Variants in MAML3 observed in about 807,000 individuals in gnomAD.
MAML3 encodes the protein mastermind-like protein 3.
In MAML3, 27 loss-of-function variants were observed where a neutral mutation model predicts 101.9. That is an observed-to-expected ratio of 0.27 (90% CI 0.20 to 0.37). The LOEUF (loss-of-function observed/expected upper bound fraction) is 0.37. MAML3 is among the 10% of genes least tolerant of loss of function. The probability of loss-of-function intolerance (pLI) is 1.00; values close to 1 mark genes in which losing one functional copy is unlikely to be tolerated. For missense variants in MAML3, 1,316 were observed against 1,444.9 expected (o/e 0.91, Z 1.45); for synonymous variants, 501 against 555.9 (o/e 0.90, Z 1.39).
At position 140,153,125 on chromosome 4, in the gene MAML3, G is replaced by C. The variant is rs1417018026; in HGVS notation, c.203C>G (p.Pro68Arg). ...CCGCTCCACCACGGTGCTGTGCTTG[G>C]GAACGGCCGCCGAACCGCCGCCGGG... ...GGPGGGSAAV[P>R]KHSTVVERLR... The change falls in exon 1 of 5, where the codon CCC (proline) becomes CGC (arginine). Residue 68 changes from proline to arginine, a missense_variant. Physicochemically the swap from Pro to Arg is moderately radical, Grantham distance 103. Coordinates refer to ENST00000509479, the MANE Select transcript of MAML3 (RefSeq NM_018717.5). 1 of 1,550,496 alleles carries C rather than the reference G, an allele frequency of 6.4e-7. No homozygotes were observed. The highest frequency in any genetic ancestry group is 1.2e-5 in the South Asian group (1 of 84,140).
Position 139,756,823 on chromosome 4 carries a change from C to T in MAML3, c.2080-26156G>A, listed in dbSNP as rs553088603. Among the ~76,000 whole-genome samples the T allele has an allele frequency of 2.6e-5, 4 of 152,302 alleles. No individual in the cohort carries two copies. The South Asian group carries it at 8.3e-4, about 32-fold the overall frequency. On this transcript the variant is annotated intron_variant, in intron 2 of 4. Coordinates refer to ENST00000509479, the MANE Select transcript of MAML3 (RefSeq NM_018717.5). The stretch of plus-strand genomic sequence containing the variant: ...GTAAGAATAATTATCTGGGGAAACA[C>T]CCAGGTTTTGCAAAGCCAAAACCCC...
intron 1 of MAML3, among the ~76,000 whole-genome samples, chr4:140,050,919 A>G (rs1182141891): frequency 6.6e-6 from 1 of 152,238 alleles, no homozygotes; most frequent in Admixed American, 6.5e-5. Context: ...TTTGCTATAC[A>G]GGGAAAAATA....
At chr4:140,143,398 G>T (rs977346023) in intron 1 of MAML3, among the ~76,000 whole-genome samples, 2 of 152,204 alleles carry the variant, frequency 1.3e-5, no homozygotes, top group Non-Finnish European at 2.9e-5. Flanking sequence ...CCTAGCATTT[G>T]TGCAGCACCA....
chr4:140,114,603 C>T (rs551533575), intron 1 of MAML3, among the ~76,000 whole-genome samples: 2 of 152,184 alleles, frequency 1.3e-5, no homozygotes, highest in East Asian at 1.9e-4. Context: ...CCCAATAAGC[C>T]GGGTGTATAC....
chr4:140,017,207 C>G (rs1196149347), intron 1 of MAML3, among the ~76,000 whole-genome samples: 1 of 152,130 alleles, frequency 6.6e-6, no homozygotes, highest in Non-Finnish European at 1.5e-5. Flanking sequence ...AGATGTTCAA[C>G]ATCATTAGCC....
intron 2 of MAML3, among the ~76,000 whole-genome samples, chr4:139,812,187 A>G (rs28673912): frequency 0.027 from 4,046 of 152,256 alleles, 187 homozygotes; most frequent in African/African-American, 0.092. Flanking sequence ...CCCAGGTCAA[A>G]GCTGTAGTGA....
chr4:139,783,814 T>C (rs1000189775), intron 2 of MAML3, among the ~76,000 whole-genome samples: 4 of 152,196 alleles, frequency 2.6e-5, no homozygotes, highest in African/African-American at 4.8e-5. Context: ...CAGTCAGCGA[T>C]TGGCCGTCTG....
At chr4:140,045,801 C>T (rs1727173808) in intron 1 of MAML3, among the ~76,000 whole-genome samples, 1 of 152,174 alleles carries the variant, frequency 6.6e-6, no homozygotes, top group Non-Finnish European at 1.5e-5. Context: ...AGAAGAGCCT[C>T]TGAAGTATTG....
chr4:140,079,603 C>G (rs1214545024), intron 1 of MAML3, among the ~76,000 whole-genome samples: 1 of 152,108 alleles, frequency 6.6e-6, no homozygotes, highest in Non-Finnish European at 1.5e-5. Flanking sequence ...CATAGTTCTA[C>G]ATATTTATAT....
intron 1 of MAML3, among the ~76,000 whole-genome samples, chr4:140,140,158 C>T (rs1337082504): frequency 2.0e-5 from 3 of 151,886 alleles, no homozygotes; most frequent in African/African-American, 7.3e-5. Flanking sequence ...CCTGTCTCTA[C>T]TAAAAACACA....
chr4:139,719,529 G>T lies in MAML3; in HGVS notation c.3211C>A (p.Pro1071Thr). ...CTGCTTGGAGCAAAGCTGCCACTGGGTATCTGCTGCTGTGCTGGGGGCTGG... is the reference window on the plus strand; with the variant it reads ...CTGCTTGGAGCAAAGCTGCCACTGGTTATCTGCTGCTGTGCTGGGGGCTGG... ...FSQPPAQQQI[P>T]SGSFAPSSQS... Residue 1071 changes from proline to threonine, a missense_variant, in exon 5 of 5, where the codon CCC (proline) becomes ACC (threonine). Pro to Thr is a conservative substitution (Grantham distance 38). Transcript: ENST00000509479. 1 of 1,613,934 alleles carries T rather than the reference G, an allele frequency of 6.2e-7. No homozygotes were observed.
chr4:139,968,523 C>A lies in MAML3; in HGVS notation c.469-77556G>T, dbSNP rs115601831. Among the ~76,000 whole-genome samples the A allele has an allele frequency of 5.9e-3, 891 of 152,124 alleles. 7 individuals carry two copies. The highest frequency in any genetic ancestry group is 0.02 in the African/African-American group (809 of 41,482). ...AAGTCAGCAGGCAAAACCATTCTTA[C>A]AGTAATAAGTTTGATGACTACATAG... is the stretch of plus-strand genomic sequence containing the variant. On this transcript the variant is annotated intron_variant, in intron 1 of 4. Coordinates refer to ENST00000509479, the MANE Select transcript of MAML3 (RefSeq NM_018717.5).
intron 1 of MAML3, among the ~76,000 whole-genome samples, chr4:140,104,802 C>T (rs986565857): frequency 2.0e-5 from 3 of 152,094 alleles, no homozygotes; most frequent in Admixed American, 6.6e-5. Flanking sequence ...ATAATATATA[C>T]ATTTTTTAAG....
At chr4:140,116,774 A>T (rs907863394) in intron 1 of MAML3, among the ~76,000 whole-genome samples, 1 of 152,228 alleles carries the variant, frequency 6.6e-6, no homozygotes, top group African/African-American at 2.4e-5. Context: ...ATGAATGGTA[A>T]CACTTACCTT....
At position 139,720,260 on chromosome 4, in the gene MAML3, C is replaced by T. The variant is rs752411432; in HGVS notation, c.2480G>A (p.Arg827Gln). ...CATGCCTGCGTTCTGTGCCATCAGC[C>T]GTGACGTTCGCATGCTCTGGAGGGC... ...QAALQSMRTS[R>Q]LMAQNAGMMG... Residue 827 changes from arginine to glutamine, a missense_variant, in exon 5 of 5, where the codon CGG becomes CAG. Coordinates refer to ENST00000509479, the MANE Select transcript of MAML3 (RefSeq NM_018717.5). 2.5e-5 allele frequency: 40 copies of T among 1,593,338 alleles called. No homozygotes were observed. Among genetic ancestry groups the T allele is most frequent in the South Asian group, 1.9e-4 (17 of 87,784 alleles).
chr4:139,764,882 C>T (rs1729826963), intron 2 of MAML3, among the ~76,000 whole-genome samples: 1 of 152,226 alleles, frequency 6.6e-6, no homozygotes, highest in African/African-American at 2.4e-5. Context: ...GCATCGCGGC[C>T]ACACTCCTGC....
chr4:140,010,014 G>C (rs534539104), intron 1 of MAML3, among the ~76,000 whole-genome samples: 1 of 152,276 alleles, frequency 6.6e-6, no homozygotes, highest in South Asian at 2.1e-4. Flanking sequence ...GTGGAAATAG[G>C]CATTGCTTTT....
At chr4:140,103,287 C>T (rs2110999198) in intron 1 of MAML3, among the ~76,000 whole-genome samples, 1 of 152,250 alleles carries the variant, frequency 6.6e-6, no homozygotes, top group South Asian at 2.1e-4. Context: ...CAGGTTAAAT[C>T]CCAAAAAGCA....
chr4:139,939,913 C>T (rs1229249745), intron 1 of MAML3, among the ~76,000 whole-genome samples: 1 of 151,942 alleles, frequency 6.6e-6, no homozygotes, highest in Admixed American at 6.6e-5. Context: ...TACAGGCGCC[C>T]GCCACCACAC....
Sources: allele counts gnomAD v4.1 joint callset (sites outside exome capture counted in the v4.1 genomes callset), GRCh38; gene constraint gnomAD v4.1.1; transcripts MANE v1.5; gene names NCBI Gene and HGNC (gene_info 2026-07-23, HGNC 2026-07-21).